Variants in MACF1 observed in about 807,000 individuals in gnomAD.
MACF1 encodes the protein microtubule actin crosslinking factor 1, also known as microtubule-actin cross-linking factor 1.
MACF1 carries 193 observed loss-of-function variants against 854.8 expected under a neutral mutation model. The observed-to-expected ratio is 0.23, with a 90% confidence interval of 0.20 to 0.25. The LOEUF (loss-of-function observed/expected upper bound fraction) is 0.25, where lower values mean the gene tolerates loss of function less well. Ranked by LOEUF, MACF1 falls within the 10% of genes least tolerant of loss-of-function variation. MACF1 has a pLI of 1.00. For missense variants in MACF1, 7,722 were observed against 8,929.1 expected, an observed-to-expected ratio of 0.86 and a Z score of 5.45; for synonymous variants, 3,185 against 3,226.7, an observed-to-expected ratio of 0.99 and a Z score of 0.44.
At chr1:39,230,674 G>C (rs1013490703) in intron 1 of MACF1, among the ~76,000 whole-genome samples, 1 of 152,122 alleles carries the variant, frequency 6.6e-6, no homozygotes, top group Non-Finnish European at 1.5e-5. Context: ...GGTAAGCTGG[G>C]CAGCTTTGAG....
At chr1:39,207,282 CT>C (rs199750797) in intron 1 of MACF1, among the ~76,000 whole-genome samples, 205 of 132,996 alleles carry the variant, frequency 1.5e-3, no homozygotes, top group Admixed American at 2.7e-3. Context: ...TTCTTTCTTT[CT>C]TTTTTTTTTT....
chr1:39,225,046 TGA>T (rs1470577441), intron 1 of MACF1, among the ~76,000 whole-genome samples: 1 of 151,924 alleles, frequency 6.6e-6, no homozygotes. Context: ...TAGCCACACA[TGA>T]TGGCATGCAC....
chr1:39,340,475 A>G (rs769761204), intron 38 of MACF1, 27 bp from the exon 39 acceptor site: 2 of 1,548,758 alleles, frequency 1.3e-6, no homozygotes, highest in South Asian at 1.1e-5. Context: ...TCTTGCTTTT[A>G]TAGGTAACTC....
chr1:39,156,256 A>T (rs1023300158), intron 2 of MACF1, among the ~76,000 whole-genome samples: 1 of 149,822 alleles, frequency 6.7e-6, no homozygotes, highest in Non-Finnish European at 1.5e-5. Flanking sequence ...TGATCCACCT[A>T]CCTCAGCCTC....
intron 22 of MACF1, among the ~76,000 whole-genome samples, chr1:39,302,563 T>C (rs1234784927): frequency 6.6e-6 from 1 of 152,214 alleles, no homozygotes; most frequent in African/African-American, 2.4e-5. Context: ...GGAAATATCA[T>C]AAAAACAATG....
intron 56 of MACF1, among the ~76,000 whole-genome samples, chr1:39,383,048 G>A (rs544809637): frequency 6.6e-6 from 1 of 152,284 alleles, no homozygotes; most frequent in African/African-American, 2.4e-5. Flanking sequence ...TTGAACCCAC[G>A]GGATGAAGGT....
At chr1:39,202,522 C>T (rs1360500820), upstream of MACF1, among the ~76,000 whole-genome samples, 2 of 151,704 alleles carry the variant, frequency 1.3e-5, no homozygotes, top group African/African-American at 4.8e-5. Flanking sequence ...GTAGTCCCAG[C>T]TGCTCAGGAG....
At chr1:39,379,498 C>G in intron 54 of MACF1, 54 bp downstream of exon 54, 1 of 1,554,108 alleles carries the variant, frequency 6.4e-7, no homozygotes, top group Non-Finnish European at 8.7e-7. Flanking sequence ...GACAGCTGTA[C>G]CAGTGTTCCT....
At chr1:39,307,274 CTT>C (rs61669778) in intron 23 of MACF1, among the ~76,000 whole-genome samples, 3,794 of 147,158 alleles carry the variant, frequency 0.026, 139 homozygotes, top group African/African-American at 0.085. Context: ...CATTCTTTCT[CTT>C]TTTTTTTTTT....
chr1:39,124,562 G>A (rs988756011), intron 2 of MACF1, among the ~76,000 whole-genome samples: 2 of 152,270 alleles, frequency 1.3e-5, no homozygotes, highest in South Asian at 4.1e-4. Flanking sequence ...AAATTTACAG[G>A]AATAAAGAGG....
intron 6 of MACF1, among the ~76,000 whole-genome samples, chr1:39,276,693 A>G (rs1375659333): frequency 6.6e-6 from 1 of 152,164 alleles, no homozygotes; most frequent in Non-Finnish European, 1.5e-5. Context: ...TGTATTGGAT[A>G]TTACTATAAT....
intron 2 of MACF1, among the ~76,000 whole-genome samples, chr1:39,095,638 T>C (rs184012918): frequency 6.7e-6 from 1 of 150,374 alleles, no homozygotes; most frequent in African/African-American, 2.5e-5. Context: ...CCCAGCACTT[T>C]GGGAGGCCGA....
intron 61 of MACF1, among the ~76,000 whole-genome samples, chr1:39,425,873 A>G (rs1320903195): frequency 6.6e-6 from 1 of 152,100 alleles, no homozygotes; most frequent in Non-Finnish European, 1.5e-5. Flanking sequence ...TGTTTATCTA[A>G]TGCATATTTT....
intron 61 of MACF1, among the ~76,000 whole-genome samples, chr1:39,424,593 G>A (rs1367314490): frequency 4.6e-5 from 7 of 151,988 alleles, no homozygotes; most frequent in African/African-American, 9.7e-5. Flanking sequence ...TTTTCTATTA[G>A]CTTATAGTAA....
intron 38 of MACF1, among the ~76,000 whole-genome samples, chr1:39,338,879 T>C (rs74066750): frequency 6.6e-6 from 1 of 152,096 alleles, no homozygotes; most frequent in Non-Finnish European, 1.5e-5. Context: ...GTCAGCTTTT[T>C]AGGGCATTAC....
At chr1:39,323,704 A>C (rs1646555927) in intron 33 of MACF1, among the ~76,000 whole-genome samples, 1 of 152,062 alleles carries the variant, frequency 6.6e-6, no homozygotes, top group Non-Finnish European at 1.5e-5. Flanking sequence ...TTGTAAAATA[A>C]GTTTCTGCAT....
At chr1:39,437,091 A>G (rs1023570140) in intron 70 of MACF1, among the ~76,000 whole-genome samples, 1 of 152,188 alleles carries the variant, frequency 6.6e-6, no homozygotes, top group Non-Finnish European at 1.5e-5. Context: ...TGCAACTGTC[A>G]TCTCAGATGT....
At chr1:39,196,150 A>G (rs1644317574) in intron 2 of MACF1, among the ~76,000 whole-genome samples, 1 of 152,200 alleles carries the variant, frequency 6.6e-6, no homozygotes, top group South Asian at 2.1e-4. Flanking sequence ...CATGAAGTTA[A>G]GTAACTTGCC....
At chr1:39,400,160 TACTC>T (rs1642421695) in intron 58 of MACF1, among the ~76,000 whole-genome samples, 4 of 152,242 alleles carry the variant, frequency 2.6e-5, no homozygotes, top group Admixed American at 2.6e-4. Context: ...CATTGCTACT[TACTC>T]AATTAGTTGA....
Sources: gnomAD v4.1 joint callset for allele counts (sites outside exome capture counted in the v4.1 genomes callset) on GRCh38, gnomAD v4.1.1 for gene constraint, MANE v1.5 for transcripts, NCBI Gene and HGNC (gene_info 2026-07-23, HGNC 2026-07-21) for gene names.